RFX7: variants seen among roughly 807,000 people sequenced by gnomAD.
RFX7 encodes the protein regulatory factor X7.
A neutral mutation model predicts 111.8 loss-of-function variants in RFX7; 26 were observed. That is an observed-to-expected ratio of 0.23 (90% confidence interval 0.17 to 0.32). RFX7 has a LOEUF of 0.32. Among genes scored for constraint, RFX7 ranks in the 10% least tolerant of loss-of-function variants. RFX7 has a pLI of 1.00. For synonymous variants in RFX7, 624 were observed against 624.4 expected (o/e 1.00, Z 0.01); for missense variants, 1,573 against 1,772.9 (o/e 0.89, Z 2.02).
At chr15:56,213,947 T>C (rs1290305951) in intron 2 of RFX7, among the ~76,000 whole-genome samples, 4 of 152,206 alleles carry the variant, frequency 2.6e-5, no homozygotes, top group Admixed American at 6.5e-5. Flanking sequence ...AGGGGTAAAC[T>C]TGGATCCATT....
chr15:56,179,416 G>A (rs999343249), intron 2 of RFX7, 113 bp from the exon 3 acceptor site: 1 of 344,574 alleles, frequency 2.9e-6, no homozygotes, highest in Non-Finnish European at 5.3e-6. Context: ...AATAAATACA[G>A]CTTCCTATTA....
chr15:56,210,279 A>G (rs1321370581), intron 2 of RFX7, among the ~76,000 whole-genome samples: 1 of 152,114 alleles, frequency 6.6e-6, no homozygotes, highest in Non-Finnish European at 1.5e-5. Context: ...TCCTAAATGT[A>G]TATGAACCTA....
chr15:56,211,684 T>G (rs867289831), intron 2 of RFX7, among the ~76,000 whole-genome samples: 4 of 152,044 alleles, frequency 2.6e-5, no homozygotes, highest in Middle Eastern at 3.2e-3. Context: ...TACAGAAAGA[T>G]TCTTATAATC....
At chr15:56,188,143 G>A (rs182754605) in intron 2 of RFX7, among the ~76,000 whole-genome samples, 3 of 152,086 alleles carry the variant, frequency 2.0e-5, no homozygotes, top group Admixed American at 6.5e-5. Context: ...CCAAATGGAA[G>A]TTCTAGAACT....
intron 5 of RFX7, among the ~76,000 whole-genome samples, chr15:56,140,871 T>C (rs2042382711): frequency 6.6e-6 from 1 of 152,160 alleles, no homozygotes; most frequent in South Asian, 2.1e-4. Context: ...GGCAGAAAAC[T>C]TTTAGGAATA....
intron 2 of RFX7, among the ~76,000 whole-genome samples, chr15:56,234,504 G>A (rs1405969241): frequency 6.6e-6 from 1 of 152,238 alleles, no homozygotes; most frequent in African/African-American, 2.4e-5. Flanking sequence ...GTTAAATTTT[G>A]ATCATAGATT....
chr15:56,242,437 C>T lies in RFX7; in HGVS notation c.161+688G>A, dbSNP rs557632615. 2.0e-5 allele frequency among the ~76,000 whole-genome samples: 3 copies of T among 152,120 alleles called. No homozygotes were observed. In the East Asian group the frequency reaches 5.8e-4, roughly 29 times the overall value. On this transcript the variant is annotated intron_variant, in intron 2 of 9. Transcript: ENST00000559447. ...AGTAAAATAGCGAAAGATATTCCATCAATGGTTTCTTTTAAAAAGACATAC... is the reference window on the plus strand; with the variant it reads ...AGTAAAATAGCGAAAGATATTCCATTAATGGTTTCTTTTAAAAAGACATAC...
At chr15:56,164,724 T>C (rs1381444538) in intron 3 of RFX7, among the ~76,000 whole-genome samples, 4 of 152,298 alleles carry the variant, frequency 2.6e-5, no homozygotes, top group East Asian at 1.9e-4. Flanking sequence ...TTTTCTTTTT[T>C]AGGTTTTAGA....
At chr15:56,184,309 G>T (rs993750251) in intron 2 of RFX7, among the ~76,000 whole-genome samples, 1 of 151,128 alleles carries the variant, frequency 6.6e-6, no homozygotes, top group South Asian at 2.1e-4. Context: ...AAAGTGCTGG[G>T]ATTACAGGTG....
At chr15:56,155,802 A>G (rs11631191) in intron 3 of RFX7, among the ~76,000 whole-genome samples, 61,993 of 151,850 alleles carry the variant, frequency 0.41, 12,863 homozygotes, top group African/African-American at 0.42. Context: ...TCTCCTCCCC[A>G]TAATAAAAAA....
chr15:56,188,819 A>G (rs2043069261), intron 2 of RFX7, among the ~76,000 whole-genome samples: 2 of 152,192 alleles, frequency 1.3e-5, no homozygotes, highest in Admixed American at 1.3e-4. Context: ...GGGTTACAGA[A>G]GCAATAAACA....
rs1040294418 is a variant in RFX7 at position 56,095,192 on chromosome 15, G to C, written c.2536C>G (p.Gln846Glu). Residue 846 changes from glutamine to glutamate, a missense_variant, in exon 10 of 10, where the codon CAA becomes GAA. Gln to Glu is a conservative substitution (Grantham distance 29). This residue lies in a region of RFX7 where 625 missense variants were observed against 632.2 expected (regional missense o/e 0.99). Coordinates refer to ENST00000559447, the MANE Select transcript of RFX7 (RefSeq NM_022841.7). ...TGATCTGAAGAATGTGCTTGTATTT[G>C]ATTTAAAGAAGATTCCTGTATCTGG... The part of the protein sequence containing the change: ...HSQIQESSLN[Q>E]IQAHSSDQLP... 6.2e-7 allele frequency: 1 copy of C among 1,613,884 alleles called. No individual in the cohort carries two copies. Among genetic ancestry groups the C allele is most frequent in the Non-Finnish European group, 8.5e-7 (1 of 1,179,848 alleles).
In RFX7 at chr15:56,243,275, T is replaced by C; in HGVS notation, c.11A>G (p.Glu4Gly). MAE[E>G]QQQPPPQQPD... ...CTGCTGTGGTGGCGGCTGTTGTTGT[T>C]CCTCTGCCATCGCTGCAGAGGGGTG... The change falls in exon 2 of 10, where the codon GAA becomes GGA. Residue 4 changes from glutamate to glycine, a missense_variant. Around this residue, in one of 7 missense-constraint regions of RFX7, gnomAD observed 191 missense variants for 194.2 expected, o/e 0.98. Coordinates refer to ENST00000559447, the MANE Select transcript of RFX7 (RefSeq NM_022841.7). 1 of 803,296 alleles carries C rather than the reference T, an allele frequency of 1.2e-6. No homozygotes were observed. The allele number at this position is 803,296 out of a possible 1,614,324, so 49.8% of individuals were successfully genotyped here.
Position 56,095,773 on chromosome 15 carries a change from C to T in RFX7, c.1955G>A (p.Cys652Tyr), listed in dbSNP as rs1285924284. Residue 652 changes from cysteine to tyrosine, a missense_variant, in exon 10 of 10, where the codon TGC (cysteine) becomes TAC (tyrosine). Coordinates refer to ENST00000559447, the MANE Select transcript of RFX7 (RefSeq NM_022841.7). Reference sequence around the variant, plus strand: ...CAGTCGTTTTCTTGGGCTTTTAGTGCATAATTTAGGGTCTTTATTGATTGA... The same window carrying T: ...CAGTCGTTTTCTTGGGCTTTTAGTGTATAATTTAGGGTCTTTATTGATTGA... The part of the protein sequence containing the change: ...GDSINKDPKL[C>Y]TKSPRKRLSS... 1 of 1,613,732 alleles carries T rather than the reference C, an allele frequency of 6.2e-7. No homozygotes were observed. Among genetic ancestry groups the T allele is most frequent in the South Asian group, 1.1e-5 (1 of 91,080 alleles).
intron 3 of RFX7, among the ~76,000 whole-genome samples, chr15:56,148,642 T>C (rs1480613548): frequency 6.6e-6 from 1 of 152,116 alleles, no homozygotes; most frequent in African/African-American, 2.4e-5. Context: ...GAGGTGCAAG[T>C]GTAGAGGTGA....
chr15:56,093,295 A>ACGG lies in RFX7; in HGVS notation c.*49_*50insCCG. ...GGGAGGCACTTCCATTAAGACAAATACAATACATATGTCTTTAGATACAGT... is the reference window on the plus strand; with the variant it reads ...GGGAGGCACTTCCATTAAGACAAATACGGCAATACATATGTCTTTAGATACAGT... On this transcript the variant is annotated 3_prime_UTR_variant, in exon 10 of 10. Coordinates refer to ENST00000559447, the MANE Select transcript of RFX7 (RefSeq NM_022841.7). 6.9e-7 allele frequency: 1 copy of ACGG among 1,440,918 alleles called. No individual in the cohort carries two copies. The highest frequency in any genetic ancestry group is 9.4e-7 in the Non-Finnish European group (1 of 1,068,980). The allele number at this position is 1,440,918 out of a possible 1,614,324, so 89.3% of individuals were successfully genotyped here.
chr15:56,127,586 C>T (rs1351513872), intron 5 of RFX7, among the ~76,000 whole-genome samples: 28 of 146,646 alleles, frequency 1.9e-4, no homozygotes, highest in African/African-American at 6.3e-4. Context: ...TTCGCTCTGT[C>T]GCCCAGGCTG....
intron 2 of RFX7, among the ~76,000 whole-genome samples, chr15:56,234,131 C>T (rs532307245): frequency 5.8e-4 from 88 of 152,324 alleles, no homozygotes; most frequent in African/African-American, 2.0e-3. Flanking sequence ...ATTATGTCCT[C>T]ACTGAATCTC....
chr15:56,162,219 A>C (rs1451559128), intron 3 of RFX7, among the ~76,000 whole-genome samples: 1 of 152,072 alleles, frequency 6.6e-6, no homozygotes, highest in African/African-American at 2.4e-5. Context: ...CAAGATTACA[A>C]AGTTACAGCC....
Sources: allele counts gnomAD v4.1 joint callset (sites outside exome capture counted in the v4.1 genomes callset), GRCh38; gene constraint gnomAD v4.1.1; regional missense constraint gnomAD v4.1.1; transcripts MANE v1.5; gene names NCBI Gene and HGNC (gene_info 2026-07-23, HGNC 2026-07-21).